Variants in ESR1 observed in about 807,000 individuals in gnomAD.
ESR1 encodes estrogen receptor.
Under a neutral mutation model 52.7 loss-of-function variants are expected in ESR1, and 12 were observed. The ratio of observed to expected loss-of-function variants is 0.23; its 90% CI spans 0.15 to 0.37. The LOEUF is 0.37. ESR1 is among the 10% of genes least tolerant of loss of function. The pLI, the probability that ESR1 is intolerant of heterozygous loss-of-function variation, is 1.00. For missense variants in ESR1, 584 were observed against 779.7 expected, an observed-to-expected ratio of 0.75 and a Z score of 2.99; for synonymous variants, 305 against 316.8, an observed-to-expected ratio of 0.96 and a Z score of 0.39.
intron 2 of ESR1, among the ~76,000 whole-genome samples, chr6:151,798,685 T>C (rs1157898176): frequency 6.6e-6 from 1 of 152,254 alleles, no homozygotes; most frequent in Non-Finnish European, 1.5e-5. Flanking sequence ...AATTAGATTC[T>C]TTTGGAAATT....
At chr6:152,017,673 A>G (rs758846110) in intron 5 of ESR1, among the ~76,000 whole-genome samples, 12 of 152,036 alleles carry the variant, frequency 7.9e-5, no homozygotes, top group Non-Finnish European at 1.8e-4. Flanking sequence ...TTGAGTGCTC[A>G]TGATGGAAAA....
intron 4 of ESR1, among the ~76,000 whole-genome samples, chr6:151,981,290 G>A (rs2039969822): frequency 6.6e-6 from 1 of 152,100 alleles, no homozygotes; most frequent in Non-Finnish European, 1.5e-5. Context: ...TCAAGGGTGG[G>A]TCTGAAAGGA....
chr6:152,011,506 T>A, intron 4 of ESR1, 150 bp from the exon 5 acceptor site: 6 of 882,090 alleles, frequency 6.8e-6, no homozygotes, highest in Non-Finnish European at 1.1e-5. Flanking sequence ...TAAAAATAAT[T>A]ACTTGACTTC....
chr6:151,956,843 A>AAT (rs1253747719), intron 4 of ESR1, among the ~76,000 whole-genome samples: 14,377 of 44,128 alleles, frequency 0.33, 916 homozygotes, highest in East Asian at 0.43. Context: ...AATATAAATA[A>AAT]ATATATATAT....
At chr6:151,757,587 T>C (rs1206381779) in intron 2 of ESR1, among the ~76,000 whole-genome samples, 1 of 152,224 alleles carries the variant, frequency 6.6e-6, no homozygotes, top group Admixed American at 6.5e-5. Context: ...TACTGCTCTC[T>C]GAAAGAGTGA....
intron 4 of ESR1, among the ~76,000 whole-genome samples, chr6:151,965,016 G>A (rs1300832864): frequency 2.0e-5 from 3 of 152,154 alleles, no homozygotes; most frequent in Admixed American, 6.5e-5. Context: ...TATGTATTAA[G>A]AGGCAAAAGC....
chr6:152,097,714 A>G (rs1346801589), intron 7 of ESR1, among the ~76,000 whole-genome samples: 1 of 152,026 alleles, frequency 6.6e-6, no homozygotes, highest in Non-Finnish European at 1.5e-5. Context: ...CCATTTGCCT[A>G]CATTTCCCTC....
chr6:151,959,178 T>A (rs2037366376), intron 4 of ESR1, among the ~76,000 whole-genome samples: 2 of 152,134 alleles, frequency 1.3e-5, no homozygotes, highest in Non-Finnish European at 2.9e-5. Context: ...ATCTCAAGAC[T>A]AAGTATTTAG....
intron 2 of ESR1, among the ~76,000 whole-genome samples, chr6:151,745,613 G>C (rs1411295963): frequency 6.6e-6 from 1 of 152,028 alleles, no homozygotes; most frequent in Admixed American, 6.5e-5. Flanking sequence ...GACTTTGTTG[G>C]TAAGTTTTGT....
At chr6:151,680,770 CTT>C (rs1778429024) in intron 1 of ESR1, among the ~76,000 whole-genome samples, 2 of 152,138 alleles carry the variant, frequency 1.3e-5, no homozygotes, top group African/African-American at 2.4e-5. Context: ...ATCTTTGTCT[CTT>C]TTGTTTACAG....
chr6:151,722,396 G>C (rs1781523823), intron 2 of ESR1, among the ~76,000 whole-genome samples: 1 of 152,196 alleles, frequency 6.6e-6, no homozygotes, highest in Admixed American at 6.5e-5. Flanking sequence ...ACATTGGAAA[G>C]AGCCTGGCTT....
chr6:151,978,002 A>G (rs552830600), intron 4 of ESR1, among the ~76,000 whole-genome samples: 73 of 151,382 alleles, frequency 4.8e-4, no homozygotes, highest in African/African-American at 1.6e-3. Flanking sequence ...GGGACAATAG[A>G]ATCAGACTCA....
chr6:151,971,419 C>A (rs901045834), intron 4 of ESR1, among the ~76,000 whole-genome samples: 1 of 152,032 alleles, frequency 6.6e-6, no homozygotes, highest in Non-Finnish European at 1.5e-5. Flanking sequence ...GCTTAGCTCC[C>A]ACTTATGAGT....
chr6:151,801,793 A>G (rs1777271606), upstream of ESR1, among the ~76,000 whole-genome samples: 1 of 152,220 alleles, frequency 6.6e-6, no homozygotes, highest in South Asian at 2.1e-4. Context: ...CATTGCAGCA[A>G]GAAGAGTCTG....
At chr6:151,747,833 A>G (rs913627720) in intron 2 of ESR1, among the ~76,000 whole-genome samples, 2 of 152,180 alleles carry the variant, frequency 1.3e-5, no homozygotes, top group Non-Finnish European at 2.9e-5. Flanking sequence ...TTTATTGCCA[A>G]ATAAGACTTC....
At chr6:151,945,882 AC>A (rs2035643736) in intron 4 of ESR1, among the ~76,000 whole-genome samples, 1 of 152,222 alleles carries the variant, frequency 6.6e-6, no homozygotes, top group Non-Finnish European at 1.5e-5. Context: ...CAGTACCAGA[AC>A]CCAGCCTTGT....
intron 6 of ESR1, among the ~76,000 whole-genome samples, chr6:152,062,889 C>T (rs138283689): frequency 1.4e-3 from 212 of 152,288 alleles, no homozygotes; most frequent in African/African-American, 4.9e-3. Context: ...TCCTCCAGAT[C>T]CATATAGACT....
intron 2 of ESR1, among the ~76,000 whole-genome samples, chr6:151,850,066 A>G (rs1786197519): frequency 8.0e-6 from 1 of 124,808 alleles, no homozygotes; most frequent in African/African-American, 3.3e-5. Context: ...ATAATTTTAT[A>G]TATATATAAA....
chr6:151,972,619 T>G (rs1365916483), intron 4 of ESR1, among the ~76,000 whole-genome samples: 1 of 152,152 alleles, frequency 6.6e-6, no homozygotes, highest in African/African-American at 2.4e-5. Flanking sequence ...ATGACAATTT[T>G]TAAATATGGG....
Sources: gnomAD v4.1 joint callset for allele counts (sites outside exome capture counted in the v4.1 genomes callset) on GRCh38, gnomAD v4.1.1 for gene constraint, MANE v1.5 for transcripts, NCBI Gene and HGNC (gene_info 2026-07-23, HGNC 2026-07-21) for gene names.